The following SASH1 variants were observed in gnomAD, a reference collection of about 807,000 sequenced individuals.
SASH1 encodes SAM and SH3 domain containing 1.
In SASH1, 44 loss-of-function variants were observed where a neutral mutation model predicts 125.2. The ratio of observed to expected loss-of-function variants is 0.35; its 90% CI spans 0.28 to 0.45. The LOEUF is 0.45. Among genes scored for constraint, SASH1 ranks in the 20% least tolerant of loss-of-function variants. The probability of loss-of-function intolerance (pLI) is 1.00; values close to 1 mark genes in which losing one functional copy is unlikely to be tolerated. For synonymous variants in SASH1, 639 were observed against 649.1 expected (o/e 0.98, Z 0.24); for missense variants, 1,426 against 1,614.5 (o/e 0.88, Z 2.00).
intron 16 of SASH1, among the ~76,000 whole-genome samples, chr6:148,535,352 C>T (rs1038893733): frequency 2.0e-5 from 3 of 152,172 alleles, no homozygotes; most frequent in Non-Finnish European, 2.9e-5. Flanking sequence ...TTGAGAGGTG[C>T]AGCCTCCAGC....
At chr6:148,222,119 T>C in the SASH1 span, among the ~76,000 whole-genome samples, 1,353 of 152,316 alleles carry the variant, frequency 8.9e-3, 21 homozygotes, top group African/African-American at 0.03. Context: ...GTGGGGCACC[T>C]TTGCTTTTCC....
the SASH1 span, among the ~76,000 whole-genome samples, chr6:148,251,724 G>A: frequency 6.6e-6 from 1 of 150,912 alleles, no homozygotes; most frequent in Non-Finnish European, 1.5e-5. Context: ...GGGTACATGT[G>A]CACAATGTGC....
intron 4 of SASH1, among the ~76,000 whole-genome samples, chr6:148,450,997 G>A (rs1777075142): frequency 6.6e-6 from 1 of 152,222 alleles, no homozygotes; most frequent in Non-Finnish European, 1.5e-5. Flanking sequence ...GTAAGTGCTT[G>A]ATAATCTTGT....
intron 6 of SASH1, among the ~76,000 whole-genome samples, chr6:148,472,326 A>G (rs1156785246): frequency 2.6e-5 from 4 of 152,144 alleles, no homozygotes; most frequent in Non-Finnish European, 2.9e-5. Flanking sequence ...GTCACAGCAC[A>G]CCTGGGTTCC....
rs546865607 is a variant in SASH1, at chr6:148,390,594, C to G, written c.285+332C>G. Among the ~76,000 whole-genome samples, 13 of 152,164 alleles carry G rather than the reference C, an allele frequency of 8.5e-5. No homozygotes were observed. In the East Asian group the frequency reaches 9.7e-4, roughly 11 times the overall value. ...GAGGTCAGGAGATCAAGACCATCCT[C>G]GCTAACACGGTGAAACCCCGTCTCT... On this transcript the variant is annotated intron_variant, in intron 2 of 19. Transcript: ENST00000367467.
intron 2 of SASH1, among the ~76,000 whole-genome samples, chr6:148,396,825 T>C (rs879257532): frequency 1.6e-4 from 25 of 152,282 alleles, no homozygotes; most frequent in Admixed American, 7.8e-4. Context: ...TCTCCTGGCC[T>C]CAGTTTCCCA....
At chr6:148,312,651 A>C (rs116729835) in intron 1 of SASH1, among the ~76,000 whole-genome samples, 2,328 of 152,346 alleles carry the variant, frequency 0.015, 67 homozygotes, top group African/African-American at 0.05. Context: ...TGAAAACAGA[A>C]TTAGTAGAAG....
In SASH1 at chr6:148,514,320, C is replaced by A; in HGVS notation, c.730-4C>A. 4 of 1,597,476 alleles carry A rather than the reference C, an allele frequency of 2.5e-6. No individual in the cohort carries two copies. The highest frequency in any genetic ancestry group is 2.2e-5 in the East Asian group (1 of 44,606). ...ATTAACTTTTTCCTTTGTTTCTTTG[C>A]CAGTCAAGAGAACAATCGGATGATG... On this transcript the variant is annotated splice_region_variant and splice_polypyrimidine_tract_variant and intron_variant, in intron 8 of 19. Transcript: ENST00000367467.
In SASH1 at chr6:148,431,356, G is replaced by A. The variant is rs562758362; in HGVS notation, c.286-8828G>A. 5.3e-5 allele frequency among the ~76,000 whole-genome samples: 8 copies of A among 152,080 alleles called. No individual in the cohort carries two copies. The South Asian group carries it at 1.5e-3, about 28-fold the overall frequency. On this transcript the variant is annotated intron_variant, in intron 2 of 19. Transcript: ENST00000367467. ...TGGGACTACAGATGCCGGCCTCCAC[G>A]CCCGGCTAATTATTGTATTTTTAGA...
At chr6:148,492,307 C>A (rs1048782612) in intron 8 of SASH1, among the ~76,000 whole-genome samples, 1 of 152,200 alleles carries the variant, frequency 6.6e-6, no homozygotes. Context: ...GAGGGCTGGT[C>A]AGAACCATTA....
chr6:148,405,525 C>A (rs1038917839), intron 2 of SASH1, among the ~76,000 whole-genome samples: 1 of 152,064 alleles, frequency 6.6e-6, no homozygotes, highest in African/African-American at 2.4e-5. Flanking sequence ...TCTCCCTTTC[C>A]ATCTGTTCCT....
At chr6:148,530,738 G>A (rs75260517) in intron 12 of SASH1, among the ~76,000 whole-genome samples, 3,747 of 152,242 alleles carry the variant, frequency 0.025, 48 homozygotes, top group South Asian at 0.05. Context: ...GTGTGATATC[G>A]TCTATTGATG....
chr6:148,543,912 C>T lies in SASH1; in HGVS notation c.2442C>T (p.Leu814=). The T allele has an allele frequency of 6.2e-7, 1 of 1,614,208 alleles. No individual in the cohort carries two copies. The highest frequency in any genetic ancestry group is 1.6e-4 in the Middle Eastern group (1 of 6,062). ...GTTTGAATAAAAACCGAAGAAGCCTCCCAGTTTCCATCTGCCGGAGCTGTG... is the reference window on the plus strand; with the variant it reads ...GTTTGAATAAAAACCGAAGAAGCCTTCCAGTTTCCATCTGCCGGAGCTGTG... ...VTGLNKNRRS[L]PVSICRSCET... is the part of the protein sequence containing the mutation. The change falls in exon 18 of 20, where the codon CTC becomes CTT. Residue 814 remains leucine, a synonymous_variant. Transcript: ENST00000367467.
chr6:148,510,935 G>T (rs972179521), intron 8 of SASH1, among the ~76,000 whole-genome samples: 15 of 149,276 alleles, frequency 1.0e-4, no homozygotes, highest in Non-Finnish European at 1.6e-4. Flanking sequence ...CGCAGAGGTT[G>T]CAGTGAGCTG....
chr6:148,398,756 C>A (rs1356412089), intron 2 of SASH1, among the ~76,000 whole-genome samples: 1 of 152,170 alleles, frequency 6.6e-6, no homozygotes, highest in Non-Finnish European at 1.5e-5. Flanking sequence ...AGATGGTGAT[C>A]AGTATCTGTG....
At chr6:148,527,725 CTTTA>C (rs1781268354) in intron 12 of SASH1, 129 bp downstream of exon 12, 1 of 897,000 alleles carries the variant, frequency 1.1e-6, no homozygotes, top group Admixed American at 2.7e-5. Context: ...CAAGTCCGTG[CTTTA>C]TTTACGTAGA....
chr6:148,366,296 C>CA (rs1554244767), intron 1 of SASH1, among the ~76,000 whole-genome samples: 1 of 151,060 alleles, frequency 6.6e-6, no homozygotes, highest in Non-Finnish European at 1.5e-5. Flanking sequence ...AAACACAAAC[C>CA]AAAAAAAACC....
At chr6:148,394,152 CA>C (rs1783850296) in intron 2 of SASH1, among the ~76,000 whole-genome samples, 1 of 152,136 alleles carries the variant, frequency 6.6e-6, no homozygotes, top group Non-Finnish European at 1.5e-5. Context: ...CTTGGCCTCC[CA>C]AAGTGCTGGG....
chr6:148,326,348 A>AC (rs1780811229), intron 1 of SASH1, among the ~76,000 whole-genome samples: 1 of 87,190 alleles, frequency 1.1e-5, no homozygotes, highest in African/African-American at 4.5e-5. Flanking sequence ...ATATATATAT[A>AC]TATATATATG....
Sources: allele counts gnomAD v4.1 joint callset (sites outside exome capture counted in the v4.1 genomes callset), GRCh38; gene constraint gnomAD v4.1.1; transcripts MANE v1.5; gene names NCBI Gene and HGNC (gene_info 2026-07-23, HGNC 2026-07-21).